Variants in PAK1IP1 observed in about 807,000 individuals in gnomAD.
PAK1IP1 encodes the protein p21-activated protein kinase-interacting protein 1.
PAK1IP1 carries 24 observed loss-of-function variants against 42.0 expected under a neutral mutation model. That is an observed-to-expected ratio of 0.57 (90% confidence interval 0.41 to 0.80). The LOEUF is 0.80. PAK1IP1 is among the 30% of genes least tolerant of loss of function. The pLI is 0.00. For synonymous variants in PAK1IP1, 154 were observed against 156.7 expected (o/e 0.98, Z 0.13); for missense variants, 411 against 467.9 (o/e 0.88, Z 1.12).
upstream of PAK1IP1, chr6:10,694,592 GCCCCTAAGC>G: frequency 5.5e-6 from 1 of 180,834 alleles, no homozygotes; most frequent in South Asian, 9.5e-5. Flanking sequence ...CGGCGCTACA[GCCCCTAAGC>G]AACCGGCCGG....
At position 10,704,529 on chromosome 6, in the gene PAK1IP1, C is replaced by T. The variant is rs1206284003; in HGVS notation, c.519C>T (p.Ser173=). ...CAGATGCTCACATAGTAGAATGGTC[C>T]CCAAGAGGAGAGCAGTATGTAGTTA... The part of the protein sequence containing the change: ...IKQNAHIVEW[S]PRGEQYVVII... Residue 173 remains serine (S), a synonymous_variant, in exon 6 of 10, where the codon TCC becomes TCT. Coordinates refer to ENST00000379568, the MANE Select transcript of PAK1IP1 (RefSeq NM_017906.3). The T allele has an allele frequency of 4.4e-6, 7 of 1,594,830 alleles. No individual in the cohort carries two copies. The highest frequency in any genetic ancestry group is 6.0e-6 in the Non-Finnish European group (7 of 1,167,352).
chr6:10,695,215 A>G lies in PAK1IP1; in HGVS notation c.84+146A>G, dbSNP rs900487670. 3 of 590,844 alleles carry G rather than the reference A, an allele frequency of 5.1e-6. No homozygotes were observed. In the Admixed American group the frequency reaches 9.8e-5, roughly 19 times the overall value. 36.6% of individuals were successfully genotyped at this position (590,844 alleles called of 1,614,324 possible). On this transcript the variant is annotated intron_variant, in intron 1 of 9. Coordinates refer to ENST00000379568, the MANE Select transcript of PAK1IP1 (RefSeq NM_017906.3). The stretch of plus-strand genomic sequence containing the variant: ...ACCTAAGAGACTTAAGAGAAAAGCT[A>G]ACCTTTTAAACCGTAGAATGGACAT...
intron 7 of PAK1IP1, 104 bp downstream of exon 7, chr6:10,704,948 TAATC>T (rs1257877197): frequency 2.7e-6 from 2 of 738,722 alleles, no homozygotes; most frequent in Non-Finnish European, 4.9e-6. Context: ...ACTGCAGAAA[TAATC>T]AGACATATCT....
At chr6:10,701,618 A>T (rs934734552) in intron 2 of PAK1IP1, among the ~76,000 whole-genome samples, 1 of 152,238 alleles carries the variant, frequency 6.6e-6, no homozygotes, top group Non-Finnish European at 1.5e-5. Context: ...AAGTGTGTGG[A>T]AATGGATCAA....
chr6:10,701,470 T>C (rs1404846365), intron 2 of PAK1IP1, among the ~76,000 whole-genome samples: 1 of 152,254 alleles, frequency 6.6e-6, no homozygotes, highest in East Asian at 1.9e-4. Flanking sequence ...TCATTCCTTT[T>C]TATGGGTGCA....
In PAK1IP1 at chr6:10,702,476, AT is replaced by A; in HGVS notation, c.357del (p.Ala121LeufsTer6). On this transcript the variant is annotated frameshift_variant, in exon 3 of 10. Transcript: ENST00000379568. LOFTEE classifies it high-confidence loss of function. ...DAKKWECLKS[I>X]KAHKGQVTFL... ...AAAGAAATGGGAATGCCTGAAGTCAATTAAAGCTCACAAGTGAGTCGGGCTC... is the reference window on the plus strand; with the variant it reads ...AAAGAAATGGGAATGCCTGAAGTCAATAAAGCTCACAAGTGAGTCGGGCTC... The A allele has an allele frequency of 6.2e-7, 1 of 1,614,150 alleles. No individual in the cohort carries two copies. The highest frequency in any genetic ancestry group is 8.5e-7 in the Non-Finnish European group (1 of 1,180,014).
At chr6:10,692,249 A>G (rs1365359608), upstream of PAK1IP1, among the ~76,000 whole-genome samples, 1 of 152,234 alleles carries the variant, frequency 6.6e-6, no homozygotes, top group Non-Finnish European at 1.5e-5. Flanking sequence ...ACATTTTTAA[A>G]GATAAAATGT....
chr6:10,698,383 A>G (rs929561710), intron 2 of PAK1IP1, among the ~76,000 whole-genome samples: 2 of 152,256 alleles, frequency 1.3e-5, no homozygotes, highest in Admixed American at 1.3e-4. Context: ...GAGAACACCT[A>G]GTTTCAAAGA....
intron 7 of PAK1IP1, among the ~76,000 whole-genome samples, chr6:10,705,857 C>T (rs1175433014): frequency 6.6e-6 from 1 of 152,188 alleles, no homozygotes; most frequent in African/African-American, 2.4e-5. Flanking sequence ...GAAATCCATA[C>T]TTAGAGTACT....
chr6:10,692,929 G>C (rs1408802343), upstream of PAK1IP1, among the ~76,000 whole-genome samples: 1 of 152,188 alleles, frequency 6.6e-6, no homozygotes, highest in Non-Finnish European at 1.5e-5. Context: ...ATTTGGCGTG[G>C]ACAAAGCTGG....
intron 2 of PAK1IP1, among the ~76,000 whole-genome samples, chr6:10,699,574 T>C (rs1769964968): frequency 6.6e-6 from 1 of 152,202 alleles, no homozygotes; most frequent in African/African-American, 2.4e-5. Flanking sequence ...GTAAATTTTT[T>C]TCTTCAGTAC....
chr6:10,708,962 C>T lies in PAK1IP1; in HGVS notation c.850C>T (p.Pro284Ser), dbSNP rs988724197. The T allele has an allele frequency of 6.2e-7, 1 of 1,605,438 alleles. No individual in the cohort carries two copies. The highest frequency in any genetic ancestry group is 1.3e-5 in the African/African-American group (1 of 74,496). The change falls in exon 9 of 10, where the codon CCA becomes TCA. Residue 284 changes from proline to serine, a missense_variant. By Grantham distance (74) the Pro-to-Ser change is moderately conservative. Coordinates refer to ENST00000379568, the MANE Select transcript of PAK1IP1 (RefSeq NM_017906.3). ...TGTTTCTTCTGTTTAGAAAGTTCCC[C>T]CATCTTTACTCTGTGAAATAAACAC... ...WKLKQDKKVPPSLLCEINTNA... is the reference protein window; with the variant it reads ...WKLKQDKKVPSSLLCEINTNA...
upstream of PAK1IP1, among the ~76,000 whole-genome samples, chr6:10,693,356 GCTGA>G (rs1769528317): frequency 6.6e-6 from 1 of 152,226 alleles, no homozygotes; most frequent in African/African-American, 2.4e-5. Flanking sequence ...TTGTCTCCAT[GCTGA>G]CTTTTCTTCG....
At chr6:10,706,748 T>C (rs1256955836) in intron 7 of PAK1IP1, among the ~76,000 whole-genome samples, 1 of 151,856 alleles carries the variant, frequency 6.6e-6, no homozygotes, top group East Asian at 1.9e-4. Context: ...CCAGGTATGG[T>C]GGCGCACGCC....
At chr6:10,704,070 T>C (rs1317580691) in intron 5 of PAK1IP1, among the ~76,000 whole-genome samples, 1 of 152,204 alleles carries the variant, frequency 6.6e-6, no homozygotes, top group Non-Finnish European at 1.5e-5. Context: ...TCACCCAGGC[T>C]GGAGTGCAGT....
intron 8 of PAK1IP1, among the ~76,000 whole-genome samples, chr6:10,708,150 A>G (rs1770261915): frequency 6.6e-6 from 1 of 151,642 alleles, no homozygotes; most frequent in South Asian, 2.1e-4. Flanking sequence ...CATCACACCA[A>G]AGAGAAGCTC....
chr6:10,701,938 ATAT>A (rs1770038473), intron 2 of PAK1IP1, among the ~76,000 whole-genome samples: 1 of 152,190 alleles, frequency 6.6e-6, no homozygotes, highest in Non-Finnish European at 1.5e-5. Context: ...TGTTTTAGTA[ATAT>A]TAAGACATTG....
chr6:10,694,724 G>T (rs753608052), upstream of PAK1IP1: 1 of 381,216 alleles, frequency 2.6e-6, no homozygotes, highest in Non-Finnish European at 4.8e-6. Context: ...ATGCCTGCTT[G>T]CCCCCGATTT....
At chr6:10,691,407 A>G (rs1020665352), upstream of PAK1IP1, among the ~76,000 whole-genome samples, 1 of 152,080 alleles carries the variant, frequency 6.6e-6, no homozygotes, top group Non-Finnish European at 1.5e-5. Flanking sequence ...GCGGGGGTAC[A>G]TGACTGGGGG....
Sources: gnomAD v4.1 joint callset for allele counts (sites outside exome capture counted in the v4.1 genomes callset) on GRCh38, gnomAD v4.1.1 for gene constraint, MANE v1.5 for transcripts, NCBI Gene and HGNC (gene_info 2026-07-23, HGNC 2026-07-21) for gene names.